The following ENAH variants were observed in gnomAD, a reference collection of about 807,000 sequenced individuals.
The protein encoded by ENAH is protein enabled homolog.
Under a neutral mutation model 78.7 loss-of-function variants are expected in ENAH, and 23 were observed. The observed-to-expected ratio is 0.29, with a 90% confidence interval of 0.21 to 0.41. The LOEUF (loss-of-function observed/expected upper bound fraction) is 0.41. ENAH is among the 10% of genes least tolerant of loss of function. The pLI is 1.00. For synonymous variants in ENAH, 226 were observed against 241.0 expected (o/e 0.94, Z 0.58); for missense variants, 544 against 691.0 (o/e 0.79, Z 2.39).
At position 225,519,559 on chromosome 1, in the gene ENAH, T is replaced by C; in HGVS notation, c.441A>G (p.Leu147=). Residue 147 remains leucine (L), a synonymous_variant, in exon 5 of 14, where the codon CTA becomes CTG. Coordinates refer to ENST00000366843, the MANE Select transcript of ENAH (RefSeq NM_018212.6). ...QEELEIQRRQ[L]QEQQRQKELE... ...GCTCCTTTTGCCGTTGCTGTTCTTG[T>C]AGTTGTCTGGAAAAAAAAAAAAAAA... The C allele has an allele frequency of 2.5e-6, 4 of 1,586,054 alleles. No individual in the cohort carries two copies. Among genetic ancestry groups the C allele is most frequent in the African/African-American group, 1.4e-5 (1 of 72,570 alleles).
In ENAH at chr1:225,600,274, G is replaced by A. The variant is rs12078183; in HGVS notation, c.6-32860C>T. ...GACCGCTATTCGGGAGACGGAGGCC[G>A]GGAGGATCACTTGAGCCCAGGAGGT... On this transcript the variant is annotated intron_variant, in intron 1 of 13. Transcript: ENST00000366843. Among the ~76,000 whole-genome samples, 317 of 151,902 alleles carry A rather than the reference G, an allele frequency of 2.1e-3. 1 individual carries two copies. The highest frequency in any genetic ancestry group is 7.0e-3 in the African/African-American group (291 of 41,424).
intron 10 of ENAH, 56 bp downstream of exon 10, chr1:225,511,755 G>A: frequency 8.0e-7 from 1 of 1,256,640 alleles, no homozygotes; most frequent in Admixed American, 2.0e-5. Flanking sequence ...TTTAACTGGG[G>A]AGTATTAATA....
intron 7 of ENAH, 91 bp from the exon 8 acceptor site, chr1:225,513,107 G>A: frequency 8.5e-7 from 1 of 1,169,856 alleles, no homozygotes; most frequent in Non-Finnish European, 1.2e-6. Flanking sequence ...GGAAACATCA[G>A]CATTAATTTT....
chr1:225,633,840 G>A (rs1225720351), intron 1 of ENAH, among the ~76,000 whole-genome samples: 1 of 152,152 alleles, frequency 6.6e-6, no homozygotes, highest in Non-Finnish European at 1.5e-5. Context: ...TAGCCTCAGA[G>A]ATGCTCTGGT....
chr1:225,518,035 GGA>G, intron 5 of ENAH: 19 of 1,486,644 alleles, frequency 1.3e-5, no homozygotes, highest in Non-Finnish European at 1.7e-5. Flanking sequence ...GGATAAAAAA[GGA>G]GAGAGAAAAA....
intron 2 of ENAH, 49 bp from the exon 3 acceptor site, chr1:225,555,132 CA>C (rs765241697): frequency 7.0e-7 from 1 of 1,435,194 alleles, no homozygotes; most frequent in Non-Finnish European, 9.4e-7. Context: ...TTGGCAAAAT[CA>C]AGGATGTCAA....
At chr1:225,586,998 T>C (rs535357903) in intron 1 of ENAH, among the ~76,000 whole-genome samples, 13 of 152,024 alleles carry the variant, frequency 8.6e-5, no homozygotes, top group Non-Finnish European at 1.5e-4. Flanking sequence ...AAATGCAACA[T>C]CTGTCTTGAC....
chr1:225,624,962 A>G (rs936438472), intron 1 of ENAH, among the ~76,000 whole-genome samples: 1 of 151,892 alleles, frequency 6.6e-6, no homozygotes, highest in Non-Finnish European at 1.5e-5. Context: ...GATGTGAAAC[A>G]GCTGACCCCT....
intron 1 of ENAH, chr1:225,652,271 T>G (rs1380050750): frequency 2.2e-6 from 2 of 920,448 alleles, no homozygotes; most frequent in African/African-American, 3.6e-5. Context: ...ACACGAGAGT[T>G]CGGAGGCAAA....
In ENAH at chr1:225,512,694, C is replaced by T. The variant is rs150858944; in HGVS notation, c.1385G>A (p.Gly462Glu). Residue 462 changes from glycine to glutamate, a missense_variant, in exon 9 of 14, where the codon GGA (glycine) becomes GAA (glutamate). Coordinates refer to ENST00000366843, the MANE Select transcript of ENAH (RefSeq NM_018212.6). ...LARRRRIAEK[G>E]STIETEQKED... is the part of the protein sequence containing the mutation. ...TTTTTGTTCTGTTTCTATTGTTGAT[C>T]CCTTTTCAGCAATTCTTCTCCTACA... 8 of 1,613,606 alleles carry T rather than the reference C, an allele frequency of 5.0e-6. No individual in the cohort carries two copies. The African/African-American group carries it at 6.7e-5, about 13-fold the overall frequency.
At chr1:225,627,757 G>T (rs771767110) in intron 1 of ENAH, among the ~76,000 whole-genome samples, 3 of 152,134 alleles carry the variant, frequency 2.0e-5, no homozygotes, top group Non-Finnish European at 1.5e-5. Context: ...CATCTAATTA[G>T]CACCCCTGGA....
intron 4 of ENAH, among the ~76,000 whole-genome samples, chr1:225,520,927 AGGGAGGGAGGGAGGGAGGGAGGGAG>A (rs1558748443): frequency 0.016 from 6 of 368 alleles, no homozygotes; most frequent in Admixed American, 0.11. Context: ...GGAGGAAGGG[AGGGAGGGAGGGAGGGAGGGAGGGAG>A]GGAGGGAGGG....
At chr1:225,539,519 C>T (rs961258516) in intron 3 of ENAH, among the ~76,000 whole-genome samples, 1 of 152,142 alleles carries the variant, frequency 6.6e-6, no homozygotes, top group African/African-American at 2.4e-5. Flanking sequence ...AATTAAGTTG[C>T]CCATTCCAAT....
chr1:225,632,992 G>C (rs972529030), intron 1 of ENAH, among the ~76,000 whole-genome samples: 4 of 151,986 alleles, frequency 2.6e-5, no homozygotes, highest in Non-Finnish European at 5.9e-5. Context: ...TAATGTACAG[G>C]AAGTATGTGG....
At chr1:225,594,521 C>T (rs558004182) in intron 1 of ENAH, among the ~76,000 whole-genome samples, 41 of 152,304 alleles carry the variant, frequency 2.7e-4, no homozygotes, top group South Asian at 2.5e-3. Context: ...GGTCTCCAAG[C>T]GCCACAGAAC....
intron 1 of ENAH, among the ~76,000 whole-genome samples, chr1:225,577,945 C>T (rs1203716260): frequency 6.6e-6 from 1 of 152,040 alleles, no homozygotes; most frequent in South Asian, 2.1e-4. Flanking sequence ...TCTTATGGTA[C>T]TATTTGACTT....
chr1:225,589,179 G>A lies in ENAH; in HGVS notation c.6-21765C>T, dbSNP rs1055943600. Reference sequence around the variant, plus strand: ...GCAAAGCGAGGAGTGACATGGGAAGGAGCTTCAGGGAATTTTGCCATCACC... The same window carrying A: ...GCAAAGCGAGGAGTGACATGGGAAGAAGCTTCAGGGAATTTTGCCATCACC... On this transcript the variant is annotated intron_variant, in intron 1 of 13. Coordinates refer to ENST00000366843, the MANE Select transcript of ENAH (RefSeq NM_018212.6). 4.6e-5 allele frequency among the ~76,000 whole-genome samples: 7 copies of A among 152,250 alleles called. 1 individual carries two copies. The highest frequency in any genetic ancestry group is 4.6e-4 in the Admixed American group (7 of 15,288).
chr1:225,652,711 T>C lies in ENAH; in HGVS notation c.-21A>G. 4 of 1,319,256 alleles carry C rather than the reference T, an allele frequency of 3.0e-6. No homozygotes were observed. Among genetic ancestry groups the C allele is most frequent in the Admixed American group, 3.7e-5 (1 of 27,176 alleles). The allele number at this position is 1,319,256 out of a possible 1,614,324, so 81.7% of individuals were successfully genotyped here. A position where few individuals can be genotyped will look rare whatever the true frequency, so the allele number is the denominator to read the frequency against. ...CTCATGGTGCCGGCGGCGCAGAGGC[T>C]TCCCCACCAGCCGGGAGACGCAGAA... On this transcript the variant is annotated 5_prime_UTR_variant, in exon 1 of 14. Transcript: ENST00000366843.
chr1:225,565,350 G>A (rs1369372961), intron 2 of ENAH, among the ~76,000 whole-genome samples: 2 of 151,882 alleles, frequency 1.3e-5, no homozygotes, highest in African/African-American at 2.4e-5. Context: ...CAGGAGAATC[G>A]CTTGAACCCG....
Sources: allele counts gnomAD v4.1 joint callset (sites outside exome capture counted in the v4.1 genomes callset), GRCh38; gene constraint gnomAD v4.1.1; transcripts MANE v1.5; gene names NCBI Gene and HGNC (gene_info 2026-07-23, HGNC 2026-07-21).